The following SLC25A12 variants were observed in gnomAD, a reference collection of about 807,000 sequenced individuals.
SLC25A12 encodes the protein electrogenic aspartate/glutamate antiporter SLC25A12, mitochondrial.
A neutral mutation model predicts 83.3 loss-of-function variants in SLC25A12; 32 were observed. The ratio of observed to expected loss-of-function variants is 0.38; its 90% CI spans 0.29 to 0.52. The LOEUF is 0.52. SLC25A12 is among the 20% of genes least tolerant of loss of function. SLC25A12 has a pLI of 0.84. For synonymous variants in SLC25A12, 267 were observed against 291.1 expected (o/e 0.92, Z 0.84); for missense variants, 611 against 835.6 (o/e 0.73, Z 3.31).
intron 7 of SLC25A12, 180 bp from the exon 8 acceptor site, chr2:171,834,236 G>T: frequency 1.8e-6 from 1 of 544,316 alleles, no homozygotes. Flanking sequence ...TCTGAAGGCT[G>T]GTAAAAGATA....
At position 171,809,656 on chromosome 2, in the gene SLC25A12, T is replaced by C. The variant is rs1407344364; in HGVS notation, c.1255A>G (p.Arg419Gly). 1 of 1,613,972 alleles carries C rather than the reference T, an allele frequency of 6.2e-7. No homozygotes were observed. The highest frequency in any genetic ancestry group is 8.5e-7 in the Non-Finnish European group (1 of 1,179,952). Reference sequence around the variant, plus strand: ...GGAAGTGGAACAGAGCCATCTCTTCTGGTAAATTTGTCCCGAACAAAATCA... The same window carrying C: ...GGAAGTGGAACAGAGCCATCTCTTCCGGTAAATTTGTCCCGAACAAAATCA... ...VNDFVRDKFT[R>G]RDGSVPLPAE... The change falls in exon 13 of 18, where the codon AGA becomes GGA. Residue 419 changes from arginine (R) to glycine (G), a missense_variant. Around this residue, in one of 3 missense-constraint regions of SLC25A12, gnomAD observed 540 missense variants for 777.5 expected, o/e 0.69. Coordinates refer to ENST00000422440, the MANE Select transcript of SLC25A12 (RefSeq NM_003705.5).
intron 3 of SLC25A12, among the ~76,000 whole-genome samples, chr2:171,864,393 G>GA (rs1685237024): frequency 6.6e-6 from 1 of 152,146 alleles, no homozygotes; most frequent in Non-Finnish European, 1.5e-5. Context: ...CCCCTGAGTT[G>GA]AGTAAACTGA....
intron 4 of SLC25A12, among the ~76,000 whole-genome samples, chr2:171,853,068 G>C (rs1156772599): frequency 6.6e-6 from 1 of 152,164 alleles, no homozygotes; most frequent in Non-Finnish European, 1.5e-5. Flanking sequence ...TGTTGTGCAA[G>C]CTGGCCTCAA....
At chr2:171,818,463 G>A (rs111822344) in intron 9 of SLC25A12, among the ~76,000 whole-genome samples, 28 of 150,944 alleles carry the variant, frequency 1.9e-4, no homozygotes, top group African/African-American at 5.4e-4. Flanking sequence ...TTTGTTATAC[G>A]TATCTCATTT....
intron 2 of SLC25A12, among the ~76,000 whole-genome samples, chr2:171,870,237 C>A (rs1239209294): frequency 3.3e-5 from 5 of 152,016 alleles, no homozygotes; most frequent in Non-Finnish European, 7.4e-5. Flanking sequence ...TTTAATTGTA[C>A]AAAAATAGAA....
chr2:171,849,655 G>A (rs369719993), intron 4 of SLC25A12, among the ~76,000 whole-genome samples: 7 of 145,588 alleles, frequency 4.8e-5, no homozygotes, highest in Non-Finnish European at 3.0e-5. Flanking sequence ...TCAGCCTCCC[G>A]GGTTCACGCC....
At chr2:171,796,875 T>C (rs1274984295) in intron 13 of SLC25A12, among the ~76,000 whole-genome samples, 5 of 152,158 alleles carry the variant, frequency 3.3e-5, no homozygotes, top group South Asian at 2.1e-4. Flanking sequence ...GATTCTGAGG[T>C]TGACCACTCT....
intron 2 of SLC25A12, among the ~76,000 whole-genome samples, chr2:171,874,689 C>T (rs1354363919): frequency 7.2e-5 from 11 of 152,140 alleles, no homozygotes; most frequent in Non-Finnish European, 1.5e-4. Flanking sequence ...TCATAGAATA[C>T]TATGCAGCCA....
intron 15 of SLC25A12, among the ~76,000 whole-genome samples, chr2:171,789,187 A>G (rs1181254979): frequency 6.6e-6 from 1 of 152,010 alleles, no homozygotes; most frequent in African/African-American, 2.4e-5. Flanking sequence ...CCAAGATGGG[A>G]GGATCACCTG....
intron 3 of SLC25A12, among the ~76,000 whole-genome samples, chr2:171,867,389 G>A (rs1276787706): frequency 2.6e-5 from 4 of 152,108 alleles, no homozygotes; most frequent in East Asian, 1.9e-4. Flanking sequence ...CCAGCACCTC[G>A]GGAGGCCAAG....
chr2:171,851,785 T>A (rs1221360797), intron 4 of SLC25A12, among the ~76,000 whole-genome samples: 1 of 152,218 alleles, frequency 6.6e-6, no homozygotes, highest in Non-Finnish European at 1.5e-5. Flanking sequence ...TCTGCCCACC[T>A]CAGCCTCCCA....
chr2:171,836,786 TA>T (rs1558925440), intron 6 of SLC25A12, among the ~76,000 whole-genome samples: 1 of 152,200 alleles, frequency 6.6e-6, no homozygotes, highest in Non-Finnish European at 1.5e-5. Context: ...CCCTTGTCTA[TA>T]AACTCTTGTT....
At chr2:171,875,910 C>CA (rs34276775) in intron 2 of SLC25A12, among the ~76,000 whole-genome samples, 3,569 of 98,930 alleles carry the variant, frequency 0.036, 181 homozygotes, top group African/African-American at 0.056. Flanking sequence ...GACTCTGTCT[C>CA]AAAAAAAAAA....
At chr2:171,844,529 T>C in intron 4 of SLC25A12, 21 bp from the exon 5 acceptor site, 1 of 1,474,842 alleles carries the variant, frequency 6.8e-7, no homozygotes, top group Non-Finnish European at 9.5e-7. Context: ...AAAACAAAAA[T>C]AAATCAATTA....
chr2:171,861,717 T>A (rs906006450), intron 3 of SLC25A12, among the ~76,000 whole-genome samples: 62 of 152,306 alleles, frequency 4.1e-4, no homozygotes, highest in African/African-American at 1.5e-3. Flanking sequence ...TCCAGAATAT[T>A]TTTAAGGCTC....
rs568552987 is a variant in SLC25A12, at chr2:171,892,382, C to T, written c.66+823G>A. Among the ~76,000 whole-genome samples, 535 of 152,208 alleles carry T rather than the reference C, an allele frequency of 3.5e-3. 3 individuals are homozygous for T. Among genetic ancestry groups the T allele is most frequent in the Non-Finnish European group, 5.2e-3 (355 of 68,000 alleles). ...CTGGGACTACAGGCGCCCACCACCA[C>T]GCCCGGCTAATTTTTTGTATTTTTA... On this transcript the variant is annotated intron_variant, in intron 2 of 17. Coordinates refer to ENST00000422440, the MANE Select transcript of SLC25A12 (RefSeq NM_003705.5).
chr2:171,841,168 C>T (rs1207725801), intron 5 of SLC25A12, among the ~76,000 whole-genome samples: 2 of 152,292 alleles, frequency 1.3e-5, no homozygotes, highest in African/African-American at 4.8e-5. Flanking sequence ...CAACTTCTGC[C>T]TCCCAGGCTC....
chr2:171,878,168 G>C (rs1414102749), intron 2 of SLC25A12, among the ~76,000 whole-genome samples: 1 of 152,164 alleles, frequency 6.6e-6, no homozygotes, highest in Non-Finnish European at 1.5e-5. Context: ...AGTGCCTGCT[G>C]TCAAGTAGCT....
chr2:171,801,971 T>C (rs922344605), intron 13 of SLC25A12, among the ~76,000 whole-genome samples: 1 of 150,284 alleles, frequency 6.7e-6, no homozygotes, highest in Non-Finnish European at 1.5e-5. Flanking sequence ...AGAAATTTTC[T>C]AATAGAAAAA....
Sources: allele counts gnomAD v4.1 joint callset (sites outside exome capture counted in the v4.1 genomes callset), GRCh38; gene constraint gnomAD v4.1.1; regional missense constraint gnomAD v4.1.1; transcripts MANE v1.5; gene names NCBI Gene and HGNC (gene_info 2026-07-23, HGNC 2026-07-21).